Variants in CLASP1 observed in about 807,000 individuals in gnomAD.
The protein encoded by CLASP1 is cytoplasmic linker associated protein 1, also known as CLIP-associating protein 1.
In CLASP1, 38 loss-of-function variants were observed where a neutral mutation model predicts 192.3. The ratio of observed to expected loss-of-function variants is 0.20; its 90% confidence interval spans 0.15 to 0.26. CLASP1 has a LOEUF of 0.26. CLASP1 is among the 10% of genes least tolerant of loss of function. The probability of loss-of-function intolerance (pLI) is 1.00; values close to 1 mark genes in which losing one functional copy is unlikely to be tolerated. For missense variants in CLASP1, 1,433 were observed against 1,932.5 expected (o/e 0.74, Z 4.85); for synonymous variants, 691 against 712.8 (o/e 0.97, Z 0.49).
intron 18 of CLASP1, 57 bp from the exon 19 acceptor site, chr2:121,447,564 T>A: frequency 7.3e-7 from 1 of 1,374,090 alleles, no homozygotes; most frequent in South Asian, 1.4e-5. Flanking sequence ...TGAAAATACA[T>A]TGCTAAAATC....
chr2:121,340,903 G>A (rs1167404940), exon 40 of CLASP1: 7 of 1,612,044 alleles, frequency 4.3e-6, no homozygotes, highest in Non-Finnish European at 5.9e-6. Context: ...TGCTGTTGCT[G>A]TTGGTGGTCT....
intron 1 of CLASP1, among the ~76,000 whole-genome samples, chr2:121,629,411 A>AT (rs2069046345): frequency 6.6e-6 from 1 of 151,998 alleles, no homozygotes; most frequent in Admixed American, 6.6e-5. Context: ...TAAAAAATAA[A>AT]AAATAAATAA....
chr2:121,345,355 A>C (rs2149103935), intron 39 of CLASP1, among the ~76,000 whole-genome samples: 1 of 152,212 alleles, frequency 6.6e-6, no homozygotes. Context: ...GGGAGGAGAA[A>C]ACACCTGGAT....
intron 2 of CLASP1, among the ~76,000 whole-genome samples, chr2:121,586,939 T>G (rs2061778160): frequency 6.6e-6 from 1 of 152,130 alleles, no homozygotes; most frequent in African/African-American, 2.4e-5. Context: ...AAGAAAGATG[T>G]GGTCTTAAGA....
At chr2:121,547,496 T>G (rs1217814097) in intron 2 of CLASP1, among the ~76,000 whole-genome samples, 1 of 151,834 alleles carries the variant, frequency 6.6e-6, no homozygotes, top group African/African-American at 2.4e-5. Context: ...TGCATGTCTC[T>G]GGGGTGGAGC....
chr2:121,551,727 A>G (rs1307308305), intron 2 of CLASP1, among the ~76,000 whole-genome samples: 2 of 152,234 alleles, frequency 1.3e-5, no homozygotes, highest in Non-Finnish European at 2.9e-5. Context: ...AAAATATCCC[A>G]TGCCCATGGA....
At chr2:121,538,360 C>G (rs1271685415) in intron 2 of CLASP1, among the ~76,000 whole-genome samples, 1 of 151,530 alleles carries the variant, frequency 6.6e-6, no homozygotes, top group East Asian at 1.9e-4. Flanking sequence ...TGCAGTGACC[C>G]AAGATTGCGC....
chr2:121,642,822 A>G (rs1211723985), intron 1 of CLASP1, among the ~76,000 whole-genome samples: 1 of 152,252 alleles, frequency 6.6e-6, no homozygotes, highest in Non-Finnish European at 1.5e-5. Context: ...CTATGTAATT[A>G]TAAGAAAACC....
intron 1 of CLASP1, among the ~76,000 whole-genome samples, chr2:121,620,217 T>C (rs906580068): frequency 1.4e-5 from 2 of 144,792 alleles, no homozygotes; most frequent in Non-Finnish European, 1.5e-5. Flanking sequence ...CGAGATTCTG[T>C]CTCAAAAAAA....
At chr2:121,570,017 AG>A (rs550169384) in intron 2 of CLASP1, among the ~76,000 whole-genome samples, 1 of 152,112 alleles carries the variant, frequency 6.6e-6, no homozygotes. Flanking sequence ...TATGTGCCTC[AG>A]TTTCTGCATC....
At chr2:121,582,807 C>T (rs376281811) in intron 2 of CLASP1, among the ~76,000 whole-genome samples, 16 of 149,478 alleles carry the variant, frequency 1.1e-4, no homozygotes, top group East Asian at 3.9e-4. Flanking sequence ...TTAACTGAGA[C>T]AGAGTCTTGC....
intron 28 of CLASP1, among the ~76,000 whole-genome samples, 195 bp from the exon 30 acceptor site, chr2:121,398,595 C>G (rs2075673415): frequency 6.6e-6 from 1 of 152,076 alleles, no homozygotes; most frequent in Admixed American, 6.5e-5. Context: ...GATCTTTTTG[C>G]AAGTCCCCAA....
chr2:121,482,778 G>A (rs758372048), intron 8 of CLASP1, among the ~76,000 whole-genome samples: 5 of 152,134 alleles, frequency 3.3e-5, no homozygotes, highest in Non-Finnish European at 5.9e-5. Context: ...CCATAGAAAC[G>A]TCCACCATTC....
chr2:121,470,245 C>G (rs376764436), intron 8 of CLASP1: 1 of 515,148 alleles, frequency 1.9e-6, no homozygotes, highest in African/African-American at 2.0e-5. Flanking sequence ...AAAACCACCA[C>G]CTTGAAACAG....
At chr2:121,485,752 C>G (rs2092931264) in intron 8 of CLASP1, among the ~76,000 whole-genome samples, 1 of 152,034 alleles carries the variant, frequency 6.6e-6, no homozygotes, top group East Asian at 1.9e-4. Context: ...GCCTGTAATC[C>G]CAGCTACTAC....
intron 2 of CLASP1, among the ~76,000 whole-genome samples, chr2:121,585,699 A>G (rs1013399923): frequency 3.9e-4 from 60 of 152,152 alleles, no homozygotes; most frequent in African/African-American, 1.4e-3. Context: ...AGAGATCGAG[A>G]CCATCCTGGC....
intron 1 of CLASP1, among the ~76,000 whole-genome samples, chr2:121,637,977 A>C (rs1482579158): frequency 1.3e-5 from 2 of 152,180 alleles, no homozygotes; most frequent in South Asian, 2.1e-4. Context: ...AAAAAAGGAG[A>C]TAACACAAGC....
chr2:121,340,000 A>T (rs2062637169), exon 40 of CLASP1: 1 of 152,234 alleles, frequency 6.6e-6, no homozygotes, highest in Admixed American at 6.5e-5. Flanking sequence ...CAGAGCCCCC[A>T]TGACAACAGT....
chr2:121,466,578 C>G (rs1444707101), intron 9 of CLASP1, among the ~76,000 whole-genome samples: 1 of 152,164 alleles, frequency 6.6e-6, no homozygotes, highest in Non-Finnish European at 1.5e-5. Flanking sequence ...GAAAATGGTT[C>G]TAAGAGCAGC....
Sources: allele counts gnomAD v4.1 joint callset (sites outside exome capture counted in the v4.1 genomes callset), GRCh38; gene constraint gnomAD v4.1.1; transcripts MANE v1.5; gene names NCBI Gene and HGNC (gene_info 2026-07-23, HGNC 2026-07-21).